Variants in CDYL2 observed in about 807,000 individuals in gnomAD.
The protein encoded by CDYL2 is chromodomain Y-like protein 2.
A neutral mutation model predicts 49.4 loss-of-function variants in CDYL2; 23 were observed. That is an observed-to-expected ratio of 0.47 (90% CI 0.34 to 0.66). The LOEUF is 0.66. Among genes scored for constraint, CDYL2 ranks in the 30% least tolerant of loss-of-function variants. CDYL2 has a pLI of 0.01. For missense variants in CDYL2, 678 were observed against 656.4 expected, an observed-to-expected ratio of 1.03 and a Z score of -0.36; for synonymous variants, 360 against 268.8, an observed-to-expected ratio of 1.34 and a Z score of -3.32.
chr16:80,749,067 A>C (rs1567594152), intron 1 of CDYL2, among the ~76,000 whole-genome samples: 1 of 152,206 alleles, frequency 6.6e-6, no homozygotes, highest in Non-Finnish European at 1.5e-5. Context: ...CCTAAATAAA[A>C]TATATATAGC....
intron 2 of CDYL2, among the ~76,000 whole-genome samples, chr16:80,681,058 G>A (rs1260670156): frequency 2.6e-5 from 4 of 152,108 alleles, no homozygotes; most frequent in East Asian, 1.9e-4. Flanking sequence ...ACCACCCGCC[G>A]GAGCCCCAAT....
intron 2 of CDYL2, among the ~76,000 whole-genome samples, chr16:80,643,547 C>G (rs1054296007): frequency 2.6e-5 from 4 of 152,248 alleles, no homozygotes; most frequent in Admixed American, 1.3e-4. Context: ...CAAGAGAGCC[C>G]TGCCCCTGCA....
At chr16:80,668,011 C>CCCA (rs1342903247) in intron 2 of CDYL2, among the ~76,000 whole-genome samples, 1 of 152,202 alleles carries the variant, frequency 6.6e-6, no homozygotes. Context: ...AAGATGCTCA[C>CCCA]CCACATTTAG....
intron 2 of CDYL2, among the ~76,000 whole-genome samples, chr16:80,663,682 T>A (rs754575255): frequency 2.0e-5 from 3 of 152,282 alleles, no homozygotes; most frequent in South Asian, 2.1e-4. Flanking sequence ...AACCTCCGCA[T>A]CCTGGGTTCA....
chr16:80,709,745 T>A (rs1904530029), intron 1 of CDYL2, among the ~76,000 whole-genome samples: 1 of 152,148 alleles, frequency 6.6e-6, no homozygotes, highest in Non-Finnish European at 1.5e-5. Context: ...CTTTCAGTCT[T>A]TTTTAAGGTA....
chr16:80,659,937 G>A (rs1162865799), intron 2 of CDYL2, among the ~76,000 whole-genome samples: 2 of 151,768 alleles, frequency 1.3e-5, no homozygotes, highest in Admixed American at 6.6e-5. Context: ...AATTCCATGG[G>A]TAAAGAGTTC....
At chr16:80,616,441 C>A (rs1048939701) in intron 4 of CDYL2, among the ~76,000 whole-genome samples, 10 of 152,208 alleles carry the variant, frequency 6.6e-5, no homozygotes, top group Admixed American at 5.9e-4. Flanking sequence ...TCCTAGGCTA[C>A]AGGTGACCCA....
chr16:80,686,914 T>A (rs945087578), intron 1 of CDYL2, among the ~76,000 whole-genome samples: 1 of 152,270 alleles, frequency 6.6e-6, no homozygotes, highest in African/African-American at 2.4e-5. Flanking sequence ...CTTTTAGATT[T>A]ATTAGATAAT....
intron 1 of CDYL2, among the ~76,000 whole-genome samples, chr16:80,788,202 A>G (rs2142412248): frequency 6.6e-6 from 1 of 152,356 alleles, no homozygotes; most frequent in Non-Finnish European, 1.5e-5. Context: ...CAGTCTTCTC[A>G]CTGCTAAAGT....
intron 3 of CDYL2, among the ~76,000 whole-genome samples, chr16:80,631,889 C>G (rs1469113985): frequency 6.6e-6 from 1 of 152,154 alleles, no homozygotes; most frequent in African/African-American, 2.4e-5. Context: ...ACAGACGTAA[C>G]AAGTGTTATC....
intron 4 of CDYL2, among the ~76,000 whole-genome samples, chr16:80,615,304 G>A (rs750807310): frequency 5.9e-5 from 9 of 152,114 alleles, no homozygotes; most frequent in African/African-American, 1.9e-4. Context: ...TGGGGTCTGC[G>A]GGGGATATGG....
chr16:80,684,231 G>A (rs1208821814), intron 2 of CDYL2, among the ~76,000 whole-genome samples: 1 of 152,214 alleles, frequency 6.6e-6, no homozygotes, highest in Non-Finnish European at 1.5e-5. Context: ...TGCCCTCAGG[G>A]AAGTGGGTCT....
At chr16:80,684,266 G>A (rs1910085115) in intron 2 of CDYL2, among the ~76,000 whole-genome samples, 2 of 152,186 alleles carry the variant, frequency 1.3e-5, no homozygotes, top group Non-Finnish European at 2.9e-5. Flanking sequence ...GGCCTTGGGT[G>A]TCTTGAAATA....
At chr16:80,788,188 A>T (rs1043989253) in intron 1 of CDYL2, among the ~76,000 whole-genome samples, 1 of 152,214 alleles carries the variant, frequency 6.6e-6, no homozygotes, top group Admixed American at 6.5e-5. Context: ...ACTGCTCTCA[A>T]AATCAGTCTT....
chr16:80,658,158 T>A (rs1471003528), intron 2 of CDYL2, among the ~76,000 whole-genome samples: 1 of 151,908 alleles, frequency 6.6e-6, no homozygotes. Context: ...TGAAATTGAT[T>A]ATCACAAGTG....
chr16:80,632,493 A>C (rs1236432830), intron 3 of CDYL2: 2 of 155,854 alleles, frequency 1.3e-5, no homozygotes, highest in Non-Finnish European at 2.9e-5. Flanking sequence ...AGTAGTGATG[A>C]TGCTTGCACA....
At chr16:80,659,620 G>T (rs927426206) in intron 2 of CDYL2, among the ~76,000 whole-genome samples, 1 of 151,076 alleles carries the variant, frequency 6.6e-6, no homozygotes, top group Non-Finnish European at 1.5e-5. Flanking sequence ...AAATATGTGT[G>T]TCTATATACA....
chr16:80,771,035 G>A (rs924393995), intron 1 of CDYL2, among the ~76,000 whole-genome samples: 1 of 152,152 alleles, frequency 6.6e-6, no homozygotes, highest in South Asian at 2.1e-4. Context: ...AGGGTAAATG[G>A]TAAGTAACCC....
At chr16:80,702,276 T>C (rs1050552485) in intron 1 of CDYL2, among the ~76,000 whole-genome samples, 1 of 151,974 alleles carries the variant, frequency 6.6e-6, no homozygotes, top group Non-Finnish European at 1.5e-5. Context: ...TCATTTTTCA[T>C]TGAAAGACAT....
Sources: gnomAD v4.1 joint callset for allele counts (sites outside exome capture counted in the v4.1 genomes callset) on GRCh38, gnomAD v4.1.1 for gene constraint, MANE v1.5 for transcripts, NCBI Gene and HGNC (gene_info 2026-07-23, HGNC 2026-07-21) for gene names.